The following TMPRSS4 variants were observed in gnomAD, a reference collection of about 807,000 sequenced individuals.
The protein encoded by TMPRSS4 is transmembrane serine protease 4.
In TMPRSS4, 45 loss-of-function variants were observed where a neutral mutation model predicts 56.4. That is an observed-to-expected ratio of 0.80 (90% CI 0.63 to 1.02). The LOEUF (loss-of-function observed/expected upper bound fraction) is 1.02. Among genes scored for constraint, TMPRSS4 ranks in the 50% least tolerant of loss-of-function variants. TMPRSS4 has a pLI of 0.00. For missense variants in TMPRSS4, 546 were observed against 556.7 expected, an observed-to-expected ratio of 0.98 and a Z score of 0.19; for synonymous variants, 205 against 211.0, an observed-to-expected ratio of 0.97 and a Z score of 0.25.
At chr11:118,123,297 C>T (rs1438858642), downstream of TMPRSS4, among the ~76,000 whole-genome samples, 1 of 152,328 alleles carries the variant, frequency 6.6e-6, no homozygotes, top group East Asian at 1.9e-4. Flanking sequence ...ATATGAAGTA[C>T]ACCTTCATGT....
intron 6 of TMPRSS4, 109 bp from the exon 7 acceptor site, chr11:118,108,747 T>C: frequency 9.6e-7 from 1 of 1,046,878 alleles, no homozygotes; most frequent in Non-Finnish European, 1.5e-6. Flanking sequence ...GCTTCCACAT[T>C]CCCGAGGTAT....
intron 2 of TMPRSS4, among the ~76,000 whole-genome samples, chr11:118,096,480 G>A (rs1024309748): frequency 6.6e-6 from 1 of 152,154 alleles, no homozygotes; most frequent in African/African-American, 2.4e-5. Flanking sequence ...AATAAAATGT[G>A]ACCTGTAAGA....
At chr11:118,095,468 A>G (rs532944903) in intron 2 of TMPRSS4, 3 of 153,266 alleles carry the variant, frequency 2.0e-5, no homozygotes, top group South Asian at 4.1e-4. Context: ...TTGACGGGCT[A>G]TGTATTTCTC....
At chr11:118,080,466 C>T (rs1214898138) in intron 1 of TMPRSS4, among the ~76,000 whole-genome samples, 1 of 152,180 alleles carries the variant, frequency 6.6e-6, no homozygotes, top group African/African-American at 2.4e-5. Context: ...TCCCAGGGCG[C>T]TTCCAGCCTG....
chr11:118,097,067 G>GAAAGGAAAGGAAAGT (rs369131999), intron 2 of TMPRSS4, among the ~76,000 whole-genome samples: 1 of 151,294 alleles, frequency 6.6e-6, no homozygotes, highest in African/African-American at 2.4e-5. Context: ...GAAAGGAAAG[G>GAAAGGAAAGGAAAGT]AGGTAGTAGA....
intron 6 of TMPRSS4, chr11:118,108,579 T>A: frequency 2.1e-6 from 1 of 478,466 alleles, no homozygotes; most frequent in Non-Finnish European, 3.7e-6. Flanking sequence ...TCCTCTTCCC[T>A]CTTGGGTCCC....
chr11:118,084,802 CA>C (rs1945419516), intron 1 of TMPRSS4, among the ~76,000 whole-genome samples: 1 of 152,222 alleles, frequency 6.6e-6, no homozygotes, highest in South Asian at 2.1e-4. Context: ...CCCCATTTTA[CA>C]GATGAGAAAA....
intron 2 of TMPRSS4, chr11:118,095,126 C>T (rs1946213144): frequency 1.0e-5 from 5 of 493,790 alleles, no homozygotes; most frequent in South Asian, 8.6e-5. Context: ...TCACTCTTAT[C>T]CTTTCAGTAA....
chr11:118,123,080 T>C (rs1275808220), downstream of TMPRSS4, among the ~76,000 whole-genome samples: 3 of 152,138 alleles, frequency 2.0e-5, no homozygotes, highest in Non-Finnish European at 2.9e-5. Flanking sequence ...TTCTGTTGTT[T>C]ATAAATTACC....
chr11:118,097,929 C>T (rs533880902), intron 2 of TMPRSS4, among the ~76,000 whole-genome samples: 1 of 152,324 alleles, frequency 6.6e-6, no homozygotes, highest in South Asian at 2.1e-4. Flanking sequence ...CACCACCATG[C>T]TGGCTAATTT....
intron 2 of TMPRSS4, 168 bp downstream of exon 2, chr11:118,095,023 T>C (rs1946208178): frequency 1.4e-6 from 1 of 734,626 alleles, no homozygotes. Flanking sequence ...CATTCCAGGA[T>C]TCATTCCAGA....
chr11:118,117,843 A>G, intron 12 of TMPRSS4, 59 bp from the exon 13 acceptor site: 3 of 1,614,008 alleles, frequency 1.9e-6, no homozygotes, highest in Non-Finnish European at 2.5e-6. Flanking sequence ...TACACATGTC[A>G]CCACTTTGTC....
chr11:118,077,234 C>T lies in TMPRSS4; in HGVS notation c.-69C>T, dbSNP rs893407083. ...CAGCCAGGACCTGTGTGGGGAGGCCCTCCTGCTGCCTTGGGGTGACAATCT... is the reference window on the plus strand; with the variant it reads ...CAGCCAGGACCTGTGTGGGGAGGCCTTCCTGCTGCCTTGGGGTGACAATCT... On this transcript the variant is annotated 5_prime_UTR_variant, in exon 1 of 13. Transcript: ENST00000437212. The T allele has an allele frequency of 8.3e-6, 13 of 1,567,558 alleles. No individual in the cohort carries two copies. In the South Asian group the frequency reaches 9.4e-5, roughly 11 times the overall value.
chr11:118,102,835 G>A, intron 3 of TMPRSS4: 1 of 452,138 alleles, frequency 2.2e-6, no homozygotes, highest in Non-Finnish European at 4.0e-6. Flanking sequence ...GTAAGAGGCA[G>A]TTACCAGCCT....
intron 1 of TMPRSS4, among the ~76,000 whole-genome samples, chr11:118,079,360 G>T (rs951321841): frequency 3.3e-5 from 5 of 152,040 alleles, no homozygotes; most frequent in South Asian, 2.1e-4. Context: ...TGACAGTCAG[G>T]GTCCTTTGAG....
intron 1 of TMPRSS4, among the ~76,000 whole-genome samples, chr11:118,079,023 C>T (rs142983292): frequency 2.6e-5 from 4 of 152,210 alleles, no homozygotes; most frequent in African/African-American, 9.6e-5. Flanking sequence ...GACCCTTTGC[C>T]ACCAGGGAAG....
intron 2 of TMPRSS4, among the ~76,000 whole-genome samples, chr11:118,095,965 C>T (rs1946265163): frequency 6.6e-6 from 1 of 152,146 alleles, no homozygotes; most frequent in African/African-American, 2.4e-5. Context: ...AAAGCTCGTT[C>T]CTTCCTGATG....
intron 3 of TMPRSS4, among the ~76,000 whole-genome samples, chr11:118,099,348 A>T (rs550234694): frequency 6.6e-6 from 1 of 151,358 alleles, no homozygotes; most frequent in East Asian, 2.0e-4. Context: ...CCACCCCCAC[A>T]GTCAGGGGCA....
chr11:118,081,033 T>C (rs1406554168), intron 1 of TMPRSS4, among the ~76,000 whole-genome samples: 8 of 152,232 alleles, frequency 5.3e-5, no homozygotes, highest in Admixed American at 5.2e-4. Context: ...TCTGTGTCTT[T>C]TCTGCTTTTA....
Sources: gnomAD v4.1 joint callset for allele counts (sites outside exome capture counted in the v4.1 genomes callset) on GRCh38, gnomAD v4.1.1 for gene constraint, MANE v1.5 for transcripts, NCBI Gene and HGNC (gene_info 2026-07-23, HGNC 2026-07-21) for gene names.